Variants in TBCD observed in about 807,000 individuals in gnomAD.
The protein encoded by TBCD is tubulin folding cofactor D.
In TBCD, 105 loss-of-function variants were observed where a neutral mutation model predicts 169.3. The observed-to-expected ratio is 0.62, with a 90% CI of 0.53 to 0.73. TBCD has a LOEUF of 0.73. Among genes scored for constraint, TBCD ranks in the 30% least tolerant of loss-of-function variants. The pLI is 0.00. For missense variants in TBCD, 1,444 were observed against 1,600.1 expected, an observed-to-expected ratio of 0.90 and a Z score of 1.66; for synonymous variants, 700 against 643.9, an observed-to-expected ratio of 1.09 and a Z score of -1.32.
rs575917191 is a variant in TBCD, at chr17:82,863,950, C to T, written c.1319-6274C>T. Among the ~76,000 whole-genome samples, 56 of 152,316 alleles carry T rather than the reference C, an allele frequency of 3.7e-4. No individual in the cohort carries two copies. The South Asian group carries it at 0.011, about 29-fold the overall frequency. On this transcript the variant is annotated intron_variant, in intron 13 of 38. Transcript: ENST00000355528. Reference sequence around the variant, plus strand: ...CAAATGCCTCACAGCGGCAGTCCGACGTGCAGTCAGTGACAGCTGAGTAGA... The same window carrying T: ...CAAATGCCTCACAGCGGCAGTCCGATGTGCAGTCAGTGACAGCTGAGTAGA...
At chr17:82,901,888 G>A (rs1438717831) in intron 18 of TBCD, among the ~76,000 whole-genome samples, 1 of 152,200 alleles carries the variant, frequency 6.6e-6, no homozygotes, top group East Asian at 1.9e-4. Context: ...ACCGAACCTA[G>A]GGAAAATTAA....
At chr17:82,938,332 G>A (rs2062811151) in intron 36 of TBCD, among the ~76,000 whole-genome samples, 196 bp downstream of exon 36, 1 of 152,216 alleles carries the variant, frequency 6.6e-6, no homozygotes, top group African/African-American at 2.4e-5. Flanking sequence ...CTTTAAGGAC[G>A]GGCTGTCCGG....
chr17:82,839,352 CATAT>C (rs1305689424), intron 13 of TBCD, among the ~76,000 whole-genome samples: 1 of 151,440 alleles, frequency 6.6e-6, no homozygotes, highest in Non-Finnish European at 1.5e-5. Context: ...ACCACACACA[CATAT>C]ATATAACCCT....
chr17:82,889,770 A>G lies in TBCD; in HGVS notation c.1563+73A>G. 1 of 1,568,170 alleles carries G rather than the reference A, an allele frequency of 6.4e-7. No homozygotes were observed. The highest frequency in any genetic ancestry group is 8.7e-7 in the Non-Finnish European group (1 of 1,144,484). On this transcript the variant is annotated intron_variant, in intron 16 of 38. Coordinates refer to ENST00000355528, the MANE Select transcript of TBCD (RefSeq NM_005993.5). This position sits in a 1 kb window ranked among gnomAD's most constrained non-coding sequence, Gnocchi z 5.3. ...TATAGGTAGGAATCTTGAGAGCTAT[A>G]ACCCTGGTGTCTTCTCGCACTGTGA...
At position 82,884,635 on chromosome 17, in the gene TBCD, G is replaced by A. The variant is rs368691217; in HGVS notation, c.1533+433G>A. Among the ~76,000 whole-genome samples the A allele has an allele frequency of 3.9e-5, 6 of 152,174 alleles. No homozygotes were observed. Among genetic ancestry groups the A allele is most frequent in the African/African-American group, 7.2e-5 (3 of 41,438 alleles). On this transcript the variant is annotated intron_variant, in intron 15 of 38. Transcript: ENST00000355528. This position sits in a 1 kb window ranked among gnomAD's most constrained non-coding sequence, Gnocchi z 4.2. ...AGCAGTGGTCAGCTCTGCTTCACCC[G>A]CCACACTCGCCTGGGCCTTGCTGGA...
rs538706683 is a variant in TBCD, at chr17:82,922,120, C to T, written c.2178+543C>T. Among the ~76,000 whole-genome samples, 34 of 152,296 alleles carry T rather than the reference C, an allele frequency of 2.2e-4. No homozygotes were observed. Among genetic ancestry groups the T allele is most frequent in the African/African-American group, 6.5e-4 (27 of 41,560 alleles). Reference sequence around the variant, plus strand: ...TTGCATAGATAAGAAACCATGGGCCCGGCGCAGTGGCGGGTGGATCACTTG... The same window carrying T: ...TTGCATAGATAAGAAACCATGGGCCTGGCGCAGTGGCGGGTGGATCACTTG... On this transcript the variant is annotated intron_variant, in intron 25 of 38. Coordinates refer to ENST00000355528, the MANE Select transcript of TBCD (RefSeq NM_005993.5). This position sits in a 1 kb window ranked among gnomAD's most constrained non-coding sequence, Gnocchi z 4.1.
chr17:82,924,384 A>G (rs1266819660), intron 26 of TBCD, among the ~76,000 whole-genome samples: 1 of 152,212 alleles, frequency 6.6e-6, no homozygotes, highest in Non-Finnish European at 1.5e-5. Context: ...TCCCGTGCGT[A>G]GCTGCTGTGC....
At chr17:82,899,236 TGTCCTCAGCGCAC>T (rs1211229611) in intron 17 of TBCD, among the ~76,000 whole-genome samples, 2 of 145,000 alleles carry the variant, frequency 1.4e-5, no homozygotes, top group African/African-American at 5.2e-5. Flanking sequence ...CCTCAGCGCA[TGTCCTCAGCGCAC>T]GTGTCCTCAG....
chr17:82,929,929 C>G, intron 32 of TBCD: 1 of 335,514 alleles, frequency 3.0e-6, no homozygotes, highest in South Asian at 2.9e-5. Context: ...TGTGGCTGAG[C>G]TGTGGAACTT....
chr17:82,938,174 G>A (rs2062795412), intron 36 of TBCD, 38 bp downstream of exon 36: 4 of 1,586,758 alleles, frequency 2.5e-6, no homozygotes, highest in Non-Finnish European at 3.4e-6. Flanking sequence ...TTTGCCGTGT[G>A]GACACAAGCC....
intron 13 of TBCD, among the ~76,000 whole-genome samples, chr17:82,836,119 T>A (rs1451654721): frequency 2.0e-5 from 3 of 152,230 alleles, no homozygotes; most frequent in Non-Finnish European, 4.4e-5. Flanking sequence ...AATAATTCTT[T>A]ATGGGCTCAG....
chr17:82,883,692 A>G (rs1357214741), intron 14 of TBCD, among the ~76,000 whole-genome samples: 1 of 152,214 alleles, frequency 6.6e-6, no homozygotes, highest in Non-Finnish European at 1.5e-5. Context: ...GGACCTGGAC[A>G]GCCCCTGCCC....
At chr17:82,798,200 G>A (rs1189357786) in intron 8 of TBCD, among the ~76,000 whole-genome samples, 1 of 146,684 alleles carries the variant, frequency 6.8e-6, no homozygotes, top group African/African-American at 2.6e-5. Context: ...AGGCTGGAGT[G>A]CAGTGGCACT....
intron 21 of TBCD, chr17:82,908,335 T>C (rs1389861150): frequency 2.2e-6 from 1 of 456,646 alleles, no homozygotes; most frequent in East Asian, 6.9e-5. Context: ...CTCCTGAAAG[T>C]AAAGCAGAAT....
In TBCD at chr17:82,784,937, CAG is replaced by C. The variant is rs556962114; in HGVS notation, c.771+3217_771+3218del. 2.2e-4 allele frequency among the ~76,000 whole-genome samples: 32 copies of C among 145,736 alleles called. No individual in the cohort carries two copies. In the South Asian group the frequency reaches 3.9e-3, roughly 18 times the overall value. On this transcript the variant is annotated intron_variant, in intron 7 of 38. Transcript: ENST00000355528. ...CACTGGACCCGACCCATCGCAGCGA[CAG>C]GGGGTCCATGCTGTGTGACTGAGAC...
chr17:82,809,503 C>G (rs750229296), intron 11 of TBCD, among the ~76,000 whole-genome samples: 3 of 152,172 alleles, frequency 2.0e-5, no homozygotes, highest in Admixed American at 1.3e-4. Flanking sequence ...CACTCGTCCC[C>G]TTTGAATCTG....
chr17:82,825,491 C>T (rs1208332535), intron 13 of TBCD, among the ~76,000 whole-genome samples: 2 of 152,144 alleles, frequency 1.3e-5, no homozygotes, highest in Non-Finnish European at 2.9e-5. Flanking sequence ...AGCACTGCGC[C>T]TGTGTTTATG....
chr17:82,754,061 A>G (rs1438446703), intron 1 of TBCD, among the ~76,000 whole-genome samples: 1 of 151,732 alleles, frequency 6.6e-6, no homozygotes, highest in Non-Finnish European at 1.5e-5. Flanking sequence ...TATTATTAGT[A>G]GTGACGGGTT....
At chr17:82,927,845 G>T in intron 29 of TBCD, 60 bp from the exon 30 acceptor site, 1 of 1,499,264 alleles carries the variant, frequency 6.7e-7, no homozygotes. Flanking sequence ...GTGGTGGGCA[G>T]AACCAGGGTT....
Sources: allele counts gnomAD v4.1 joint callset (sites outside exome capture counted in the v4.1 genomes callset), GRCh38; gene constraint gnomAD v4.1.1; non-coding constraint Gnocchi (gnomAD v3.1); transcripts MANE v1.5; gene names NCBI Gene and HGNC (gene_info 2026-07-23, HGNC 2026-07-21).